MGAT4C: variants seen among roughly 807,000 people sequenced by gnomAD.
MGAT4C encodes MGAT4 family member C, also known as alpha-1,3-mannosyl-glycoprotein 4-beta-N-acetylglucosaminyltransferase C.
MGAT4C carries 19 observed loss-of-function variants against 40.1 expected under a neutral mutation model. That is an observed-to-expected ratio of 0.47 (90% CI 0.33 to 0.70). MGAT4C has a LOEUF of 0.70. Ranked by LOEUF, MGAT4C falls within the 30% of genes least tolerant of loss-of-function variation. The pLI is 0.02. For synonymous variants in MGAT4C, 181 were observed against 187.1 expected (o/e 0.97, Z 0.27); for missense variants, 491 against 563.2 (o/e 0.87, Z 1.30).
Position 86,252,035 on chromosome 12 carries a change from T to A in MGAT4C, c.-57+4204A>T, listed in dbSNP as rs920026014. On this transcript the variant is annotated intron_variant, in intron 1 of 4. Transcript: ENST00000611864. ...TTAGTGCTATTAAACATCTACTGCT[T>A]AATAGCTCTAGATTATTTTTTCATT... 4.6e-5 allele frequency among the ~76,000 whole-genome samples: 7 copies of A among 152,156 alleles called. No individual in the cohort carries two copies. In the East Asian group the frequency reaches 9.7e-4, roughly 21 times the overall value.
At chr12:86,044,765 G>T (rs1419962551) in intron 2 of MGAT4C, among the ~76,000 whole-genome samples, 1 of 152,094 alleles carries the variant, frequency 6.6e-6, no homozygotes, top group African/African-American at 2.4e-5. Context: ...AGTGGGCTCT[G>T]CCAGGTTGGG....
chr12:86,363,738 G>T (rs1955532170), intron 3 of MGAT4C, among the ~76,000 whole-genome samples: 1 of 151,822 alleles, frequency 6.6e-6, no homozygotes, highest in Admixed American at 6.6e-5. Flanking sequence ...ACCAAAGAAA[G>T]GAACAGAGGG....
chr12:86,207,678 T>C (rs1950311753), intron 1 of MGAT4C, among the ~76,000 whole-genome samples: 1 of 152,194 alleles, frequency 6.6e-6, no homozygotes, highest in South Asian at 2.1e-4. Context: ...CAGCAAATAA[T>C]TTAATTCTCC....
intron 3 of MGAT4C, among the ~76,000 whole-genome samples, chr12:86,425,602 T>C (rs1463060922): frequency 6.6e-6 from 1 of 152,210 alleles, no homozygotes; most frequent in East Asian, 1.9e-4. Flanking sequence ...CTGTTATACA[T>C]ATTATACCTG....
At chr12:86,297,642 A>T (rs1466537374) in intron 4 of MGAT4C, among the ~76,000 whole-genome samples, 2 of 152,154 alleles carry the variant, frequency 1.3e-5, no homozygotes, top group Non-Finnish European at 2.9e-5. Flanking sequence ...AACCAGGAGG[A>T]GGGTCTGATC....
chr12:86,756,824 A>G (rs1951312544), intron 1 of MGAT4C, among the ~76,000 whole-genome samples: 1 of 152,110 alleles, frequency 6.6e-6, no homozygotes, highest in African/African-American at 2.4e-5. Flanking sequence ...TGGCATGTCT[A>G]CTGACTTTGC....
intron 2 of MGAT4C, among the ~76,000 whole-genome samples, chr12:86,577,865 T>G (rs944195420): frequency 1.3e-5 from 2 of 151,756 alleles, no homozygotes; most frequent in African/African-American, 4.8e-5. Context: ...TTTTATTCAT[T>G]GTTTAAGTCC....
At position 86,619,557 on chromosome 12, in the gene MGAT4C, T is replaced by C. The variant is rs186134045; in HGVS notation, c.-229+107652A>G. On this transcript the variant is annotated intron_variant, in intron 2 of 7. Coordinates refer to the MGAT4C transcript ENST00000548651. ...TATTATTTTCCTTTCTCCTGAAGCT[T>C]TGTTTCCTTATACTGTCCTTCAAAT... Among the ~76,000 whole-genome samples the C allele has an allele frequency of 3.9e-5, 6 of 152,278 alleles. No individual in the cohort carries two copies. The East Asian group carries it at 1.2e-3, about 29-fold the overall frequency.
intron 3 of MGAT4C, among the ~76,000 whole-genome samples, chr12:85,983,887 G>T (rs1884917482): frequency 6.6e-6 from 1 of 152,054 alleles, no homozygotes; most frequent in Non-Finnish European, 1.5e-5. Flanking sequence ...CTATTTTGCT[G>T]TGTATACCAC....
intron 1 of MGAT4C, among the ~76,000 whole-genome samples, chr12:86,830,057 G>A (rs1391013312): frequency 6.6e-6 from 1 of 151,420 alleles, no homozygotes; most frequent in Non-Finnish European, 1.5e-5. Flanking sequence ...TCCTGTGTAA[G>A]AACAATGCAA....
intron 3 of MGAT4C, among the ~76,000 whole-genome samples, chr12:86,392,517 C>T (rs1297157251): frequency 6.6e-6 from 1 of 151,978 alleles, no homozygotes; most frequent in Non-Finnish European, 1.5e-5. Flanking sequence ...GAATTAGGTA[C>T]TGTCAATGAG....
At chr12:86,548,933 T>G (rs1959226928) in intron 2 of MGAT4C, among the ~76,000 whole-genome samples, 1 of 152,164 alleles carries the variant, frequency 6.6e-6, no homozygotes, top group African/African-American at 2.4e-5. Context: ...CAAAGGAGAT[T>G]TATTTTGTAA....
intron 3 of MGAT4C, among the ~76,000 whole-genome samples, chr12:86,414,167 C>T (rs1956659116): frequency 4.6e-5 from 7 of 151,708 alleles, no homozygotes; most frequent in Admixed American, 4.6e-4. Flanking sequence ...AGTTTTTATT[C>T]ATCTAAATTC....
At chr12:86,643,286 T>C (rs1963445175) in intron 2 of MGAT4C, among the ~76,000 whole-genome samples, 1 of 151,798 alleles carries the variant, frequency 6.6e-6, no homozygotes, top group Non-Finnish European at 1.5e-5. Context: ...TCAACACTAT[T>C]GCACTGGGGA....
chr12:86,404,209 G>T (rs901213217), intron 3 of MGAT4C, among the ~76,000 whole-genome samples: 2 of 151,942 alleles, frequency 1.3e-5, no homozygotes, highest in African/African-American at 4.8e-5. Context: ...CATATTTAAC[G>T]GACTTGGTGC....
chr12:86,016,746 C>T (rs979433091), intron 2 of MGAT4C, among the ~76,000 whole-genome samples: 6 of 152,170 alleles, frequency 3.9e-5, no homozygotes, highest in Non-Finnish European at 7.4e-5. Flanking sequence ...TCTCAAAGGC[C>T]TATGTGTAAA....
intron 1 of MGAT4C, among the ~76,000 whole-genome samples, chr12:86,091,098 C>T (rs1367103904): frequency 4.6e-5 from 7 of 151,980 alleles, no homozygotes; most frequent in East Asian, 1.9e-4. Flanking sequence ...ATCTGAAATA[C>T]GTTGAACTGC....
chr12:86,013,750 C>T (rs147070853), intron 2 of MGAT4C: 2 of 984,082 alleles, frequency 2.0e-6, no homozygotes, highest in Admixed American at 1.2e-4. Context: ...TCAGTCAGGT[C>T]CACAGAATCT....
intron 1 of MGAT4C, among the ~76,000 whole-genome samples, chr12:86,226,056 T>C (rs1406502198): frequency 1.3e-5 from 2 of 151,764 alleles, no homozygotes; most frequent in African/African-American, 2.4e-5. Flanking sequence ...TAATAACAGA[T>C]CTATATAATT....
Sources: gnomAD v4.1 joint callset for allele counts (sites outside exome capture counted in the v4.1 genomes callset) on GRCh38, gnomAD v4.1.1 for gene constraint, MANE v1.5 for transcripts, NCBI Gene and HGNC (gene_info 2026-07-23, HGNC 2026-07-21) for gene names.